The following SLC9A9 variants were observed in gnomAD, a reference collection of about 807,000 sequenced individuals.
SLC9A9 encodes sodium/hydrogen exchanger 9.
SLC9A9 carries 62 observed loss-of-function variants against 77.8 expected under a neutral mutation model. That is an observed-to-expected ratio of 0.80 (90% CI 0.65 to 0.98). The LOEUF (loss-of-function observed/expected upper bound fraction) is 0.98. Among genes scored for constraint, SLC9A9 ranks in the 50% least tolerant of loss-of-function variants. The probability of loss-of-function intolerance (pLI) is 0.00; values close to 1 mark genes in which losing one functional copy is unlikely to be tolerated. For missense variants in SLC9A9, 775 were observed against 774.9 expected (o/e 1.00, Z 0.00); for synonymous variants, 320 against 283.5 (o/e 1.13, Z -1.29).
intron 1 of SLC9A9, among the ~76,000 whole-genome samples, chr3:143,846,996 C>T (rs1576768923): frequency 6.6e-6 from 1 of 152,154 alleles, no homozygotes; most frequent in Non-Finnish European, 1.5e-5. Flanking sequence ...TATCAGCCTC[C>T]TGAGCCTGAA....
At chr3:143,540,083 A>G (rs192291077) in intron 9 of SLC9A9, among the ~76,000 whole-genome samples, 5 of 152,184 alleles carry the variant, frequency 3.3e-5, no homozygotes, top group Non-Finnish European at 7.4e-5. Context: ...GATTTTGGAG[A>G]CTTGTTAGTA....
At chr3:143,819,513 T>G (rs542244821) in intron 2 of SLC9A9, among the ~76,000 whole-genome samples, 2 of 152,214 alleles carry the variant, frequency 1.3e-5, no homozygotes, top group Non-Finnish European at 2.9e-5. Flanking sequence ...CCAAGTCACT[T>G]AAGCTTCCAG....
intron 12 of SLC9A9, among the ~76,000 whole-genome samples, chr3:143,383,854 G>A (rs2033358651): frequency 6.6e-6 from 1 of 152,204 alleles, no homozygotes; most frequent in Non-Finnish European, 1.5e-5. Flanking sequence ...GCAAGGCCAT[G>A]TGAGAAGCCT....
At chr3:143,475,150 G>A (rs984055741) in intron 11 of SLC9A9, among the ~76,000 whole-genome samples, 2 of 145,570 alleles carry the variant, frequency 1.4e-5, no homozygotes, top group Non-Finnish European at 1.5e-5. Context: ...TTGTATTTTA[G>A]TAGAGACAGG....
intron 14 of SLC9A9, among the ~76,000 whole-genome samples, chr3:143,359,795 C>T (rs2032693953): frequency 6.6e-6 from 1 of 152,172 alleles, no homozygotes; most frequent in African/African-American, 2.4e-5. Flanking sequence ...TTAGACTGAA[C>T]CACTCCTGGT....
chr3:143,526,766 A>C (rs950821556), intron 9 of SLC9A9, among the ~76,000 whole-genome samples: 3 of 152,250 alleles, frequency 2.0e-5, no homozygotes, highest in Non-Finnish European at 4.4e-5. Context: ...GCTTTGAAAG[A>C]TATTAATGTA....
At chr3:143,707,306 C>T (rs1934009157) in intron 4 of SLC9A9, among the ~76,000 whole-genome samples, 1 of 151,740 alleles carries the variant, frequency 6.6e-6, no homozygotes. Flanking sequence ...AAGGAACAGA[C>T]AACTTTTGAG....
intron 5 of SLC9A9, among the ~76,000 whole-genome samples, chr3:143,679,358 A>G (rs1020629233): frequency 3.0e-4 from 46 of 152,324 alleles, no homozygotes; most frequent in Non-Finnish European, 7.4e-5. Flanking sequence ...CTCTTTCCCT[A>G]CAAATCCTAG....
intron 12 of SLC9A9, among the ~76,000 whole-genome samples, chr3:143,404,730 C>A (rs1290034755): frequency 5.3e-5 from 8 of 152,172 alleles, no homozygotes; most frequent in African/African-American, 1.9e-4. Context: ...TTAGCCTCCT[C>A]CCCCATACCC....
intron 5 of SLC9A9, among the ~76,000 whole-genome samples, chr3:143,669,721 A>G (rs1157355081): frequency 6.6e-6 from 1 of 152,128 alleles, no homozygotes; most frequent in African/African-American, 2.4e-5. Context: ...TTCTGATCAG[A>G]CCCCAGCTGT....
At chr3:143,464,070 G>A (rs891814932) in intron 12 of SLC9A9, among the ~76,000 whole-genome samples, 1 of 152,142 alleles carries the variant, frequency 6.6e-6, no homozygotes, top group African/African-American at 2.4e-5. Flanking sequence ...GACTCAAGAA[G>A]GGAAGGCCAC....
At position 143,619,057 on chromosome 3, in the gene SLC9A9, T is replaced by C. The variant is rs537503921; in HGVS notation, c.755+33198A>G. ...GAGAAAGAATTGTTCTTTAGCAACCTACACACCTCTATCTAACTCATTCAG... is the reference window on the plus strand; with the variant it reads ...GAGAAAGAATTGTTCTTTAGCAACCCACACACCTCTATCTAACTCATTCAG... On this transcript the variant is annotated intron_variant, in intron 6 of 15. Coordinates refer to ENST00000316549, the MANE Select transcript of SLC9A9 (RefSeq NM_173653.4). Among the ~76,000 whole-genome samples, 453 of 152,312 alleles carry C rather than the reference T, an allele frequency of 3.0e-3. 1 individual carries two copies. Among genetic ancestry groups the C allele is most frequent in the Admixed American group, 4.5e-3 (69 of 15,300 alleles).
At chr3:143,616,461 A>T (rs957508959) in intron 6 of SLC9A9, among the ~76,000 whole-genome samples, 10 of 152,214 alleles carry the variant, frequency 6.6e-5, no homozygotes, top group African/African-American at 2.4e-4. Flanking sequence ...AGAGGCAAAT[A>T]GTTCCATATG....
chr3:143,463,090 T>G (rs1011950198), intron 12 of SLC9A9, among the ~76,000 whole-genome samples: 1 of 152,206 alleles, frequency 6.6e-6, no homozygotes, highest in Admixed American at 6.5e-5. Flanking sequence ...TCAGTTATTA[T>G]TGGTAGAGTG....
At chr3:143,500,028 A>T (rs543031437) in intron 9 of SLC9A9, among the ~76,000 whole-genome samples, 22 of 152,248 alleles carry the variant, frequency 1.4e-4, no homozygotes, top group African/African-American at 5.1e-4. Context: ...CAGTTTTACC[A>T]GGTTGTATTG....
intron 8 of SLC9A9, among the ~76,000 whole-genome samples, chr3:143,558,055 C>A (rs1395534245): frequency 6.6e-6 from 1 of 152,208 alleles, no homozygotes; most frequent in African/African-American, 2.4e-5. Flanking sequence ...GGCCCAGGGC[C>A]CCCCTGCTCT....
At chr3:143,678,162 T>C (rs1217704662) in intron 5 of SLC9A9, among the ~76,000 whole-genome samples, 1 of 152,220 alleles carries the variant, frequency 6.6e-6, no homozygotes, top group Non-Finnish European at 1.5e-5. Context: ...TTCCGTTACT[T>C]ACTTCCAGAT....
In SLC9A9 at chr3:143,268,356, T is replaced by C. The variant is rs575765488; in HGVS notation, c.1710+519A>G. On this transcript the variant is annotated intron_variant, in intron 15 of 15. Coordinates refer to ENST00000316549, the MANE Select transcript of SLC9A9 (RefSeq NM_173653.4). ...TAAGGTCATTTTATGGTTAAAAATA[T>C]TGGTAACAATAAAAGAGAATAAGCC... Among the ~76,000 whole-genome samples, 42 of 152,254 alleles carry C rather than the reference T, an allele frequency of 2.8e-4. 1 individual carries two copies. Among genetic ancestry groups the C allele is most frequent in the African/African-American group, 9.4e-4 (39 of 41,526 alleles).
intron 6 of SLC9A9, among the ~76,000 whole-genome samples, chr3:143,633,283 A>G (rs1483694862): frequency 2.6e-5 from 4 of 152,228 alleles, no homozygotes; most frequent in Admixed American, 6.5e-5. Context: ...TTACAGAAGT[A>G]AAATAGTAAT....
Sources: allele counts gnomAD v4.1 joint callset (sites outside exome capture counted in the v4.1 genomes callset), GRCh38; gene constraint gnomAD v4.1.1; transcripts MANE v1.5; gene names NCBI Gene and HGNC (gene_info 2026-07-23, HGNC 2026-07-21).